The following PRKDC variants were observed in gnomAD, a reference collection of about 807,000 sequenced individuals.
PRKDC encodes the protein protein kinase, DNA-activated, catalytic subunit, also known as DNA-dependent protein kinase catalytic subunit.
In PRKDC, 82 loss-of-function variants were observed where a neutral mutation model predicts 486.9. That is an observed-to-expected ratio of 0.17 (90% CI 0.14 to 0.20). The LOEUF (loss-of-function observed/expected upper bound fraction) is 0.20, where lower values mean the gene tolerates loss of function less well. PRKDC is among the 10% of genes least tolerant of loss of function. The probability of loss-of-function intolerance (pLI) is 1.00; values close to 1 mark genes in which losing one functional copy is unlikely to be tolerated. For synonymous variants in PRKDC, 1,895 were observed against 1,837.0 expected (o/e 1.03, Z -0.81); for missense variants, 4,504 against 5,038.2 (o/e 0.89, Z 3.21).
chr8:47,783,458 C>T (rs983258644), intron 78 of PRKDC, among the ~76,000 whole-genome samples: 2 of 151,654 alleles, frequency 1.3e-5, no homozygotes, highest in African/African-American at 2.4e-5. Flanking sequence ...GGCGTGATGG[C>T]GTGCGCCTGT....
intron 45 of PRKDC, 85 bp from the exon 46 acceptor site, chr8:47,859,844 A>C: frequency 7.6e-7 from 1 of 1,313,466 alleles, no homozygotes; most frequent in Non-Finnish European, 1.0e-6. Flanking sequence ...TGATATGAAA[A>C]TTAAAGCACA....
intron 78 of PRKDC, 58 bp downstream of exon 78, chr8:47,783,684 T>C: frequency 1.9e-6 from 3 of 1,545,150 alleles, no homozygotes; most frequent in South Asian, 1.1e-5. Context: ...AAACAGATCA[T>C]TCTCATCTGA....
rs750244294 is a variant in PRKDC at position 47,788,934 on chromosome 8, A to C, written c.10874T>G (p.Leu3625Arg). The C allele has an allele frequency of 6.2e-7, 1 of 1,605,152 alleles. No homozygotes were observed. Among genetic ancestry groups the C allele is most frequent in the Non-Finnish European group, 8.5e-7 (1 of 1,177,216 alleles). The change falls in exon 76 of 86, where the codon CTG becomes CGG. Residue 3625 changes from leucine to arginine, a missense_variant. Physicochemically the swap from Leu to Arg is moderately radical, Grantham distance 102. Around this residue, in one of 6 missense-constraint regions of PRKDC, gnomAD observed 706 missense variants for 945.0 expected, o/e 0.75. Coordinates refer to ENST00000314191, the MANE Select transcript of PRKDC (RefSeq NM_006904.7). ...AATAAACTTCCTTCTAAAGGCCCCC[A>C]GGCCTGGAGCCTTTGGGTCACCCAA... The part of the protein sequence containing the change: ...AALGDPKAPG[L>R]GAFRRKFIQT...
At chr8:47,918,949 C>T (rs1010192830) in intron 21 of PRKDC, among the ~76,000 whole-genome samples, 5 of 151,966 alleles carry the variant, frequency 3.3e-5, no homozygotes, top group African/African-American at 1.2e-4. Flanking sequence ...TTGAAGTACC[C>T]CGAATAAATT....
intron 22 of PRKDC, among the ~76,000 whole-genome samples, chr8:47,915,702 T>C (rs1405566035): frequency 6.6e-6 from 1 of 152,218 alleles, no homozygotes; most frequent in Non-Finnish European, 1.5e-5. Flanking sequence ...AAAAAGTAAC[T>C]ATATTTTTCA....
At position 47,796,597 on chromosome 8, in the gene PRKDC, T is replaced by G. The variant is rs143943294; in HGVS notation, c.10458+1640A>C. 2.8e-3 allele frequency among the ~76,000 whole-genome samples: 427 copies of G among 151,916 alleles called. 2 individuals carry two copies. The highest frequency in any genetic ancestry group is 8.7e-3 in the South Asian group (42 of 4,812). On this transcript the variant is annotated intron_variant, in intron 73 of 85. Coordinates refer to ENST00000314191, the MANE Select transcript of PRKDC (RefSeq NM_006904.7). ...GCAAACGTTTTTCTTCATTTTTTTT[T>G]TTGTTGTTGTTGTTTTTTTTGAGAC...
chr8:47,945,653 G>C (rs943089699), intron 7 of PRKDC, among the ~76,000 whole-genome samples: 1 of 152,132 alleles, frequency 6.6e-6, no homozygotes, highest in African/African-American at 2.4e-5. Flanking sequence ...TTCATCCCTG[G>C]ATGAACACTT....
Position 47,782,655 on chromosome 8 carries a change from G to A in PRKDC, c.11176-57C>T. 1 of 1,524,960 alleles carries A rather than the reference G, an allele frequency of 6.6e-7. No individual in the cohort carries two copies. Among genetic ancestry groups the A allele is most frequent in the Non-Finnish European group, 8.8e-7 (1 of 1,130,100 alleles). The allele number at this position is 1,524,960 out of a possible 1,614,324, so 94.5% of individuals were successfully genotyped here. A position where few individuals can be genotyped will look rare whatever the true frequency, so the allele number is the denominator to read the frequency against. ...AGGCTAGCCACGTGTCAAACTCAGA[G>A]GGAAAAGCCAGAGTGGCTGTGAGCA... On this transcript the variant is annotated intron_variant, in intron 78 of 85. Coordinates refer to ENST00000314191, the MANE Select transcript of PRKDC (RefSeq NM_006904.7). This position sits in a 1 kb window ranked among gnomAD's most constrained non-coding sequence, Gnocchi z 4.9.
chr8:47,959,765 G>A (rs2090780383), intron 1 of PRKDC, among the ~76,000 whole-genome samples: 1 of 152,016 alleles, frequency 6.6e-6, no homozygotes, highest in African/African-American at 2.4e-5. Context: ...CACCAACTTT[G>A]GCTTTAAAAT....
chr8:47,783,735 C>T lies in PRKDC; in HGVS notation c.11175+7G>A. Reference sequence around the variant, plus strand: ...ACAGGGACTGGGTCACACACCCTCACACCTACCCGCTCATCAAACCCGGCG... The same window carrying T: ...ACAGGGACTGGGTCACACACCCTCATACCTACCCGCTCATCAAACCCGGCG... On this transcript the variant is annotated splice_region_variant and intron_variant, in intron 78 of 85. Transcript: ENST00000314191. 6.2e-7 allele frequency: 1 copy of T among 1,613,958 alleles called. No individual in the cohort carries two copies. The highest frequency in any genetic ancestry group is 8.5e-7 in the Non-Finnish European group (1 of 1,179,860).
chr8:47,776,511 A>C (rs2086610735), intron 85 of PRKDC, among the ~76,000 whole-genome samples: 1 of 152,186 alleles, frequency 6.6e-6, no homozygotes, highest in Admixed American at 6.6e-5. Context: ...AAAAAGGACA[A>C]AAGCAAATTT....
intron 76 of PRKDC, 149 bp downstream of exon 76, chr8:47,788,757 T>A (rs1406659878): frequency 1.1e-5 from 9 of 818,262 alleles, no homozygotes; most frequent in Non-Finnish European, 1.5e-5. Flanking sequence ...ACAGAAAGCA[T>A]GAGACCTAAA....
intron 49 of PRKDC, among the ~76,000 whole-genome samples, 199 bp from the exon 50 acceptor site, chr8:47,855,572 C>CA (rs994810093): frequency 1.3e-5 from 2 of 152,354 alleles, no homozygotes; most frequent in Non-Finnish European, 2.9e-5. Flanking sequence ...GCTGCAATCT[C>CA]AGAGTTGCCG....
intron 40 of PRKDC, among the ~76,000 whole-genome samples, chr8:47,873,317 A>G (rs1310226309): frequency 2.0e-5 from 3 of 151,766 alleles, no homozygotes; most frequent in Non-Finnish European, 2.9e-5. Flanking sequence ...CGGGTGGATC[A>G]CCTGAGGTCT....
chr8:47,784,326 G>A (rs1200389545), intron 77 of PRKDC, among the ~76,000 whole-genome samples: 1 of 151,952 alleles, frequency 6.6e-6, no homozygotes, highest in Non-Finnish European at 1.5e-5. Context: ...CTAATAGCAT[G>A]GACAAATCCT....
intron 32 of PRKDC, among the ~76,000 whole-genome samples, chr8:47,889,836 T>C (rs1362371252): frequency 6.6e-6 from 1 of 152,230 alleles, no homozygotes; most frequent in Non-Finnish European, 1.5e-5. Context: ...TAACGATGCA[T>C]TGTAATTTTG....
chr8:47,814,621 C>A (rs1351877994), intron 68 of PRKDC, among the ~76,000 whole-genome samples: 1 of 152,030 alleles, frequency 6.6e-6, no homozygotes, highest in Non-Finnish European at 1.5e-5. Context: ...GAATAAATCA[C>A]AAAAGACATC....
chr8:47,957,022 A>T, intron 3 of PRKDC, 149 bp downstream of exon 3: 1 of 471,046 alleles, frequency 2.1e-6, no homozygotes, highest in East Asian at 3.6e-5. Context: ...AGCCCACTTC[A>T]TTTGTAACAC....
intron 40 of PRKDC, among the ~76,000 whole-genome samples, chr8:47,868,560 T>A (rs1347595757): frequency 1.3e-5 from 2 of 151,916 alleles, no homozygotes; most frequent in South Asian, 4.2e-4. Flanking sequence ...CAAGACCTTA[T>A]CTCAAAAATA....
Sources: gnomAD v4.1 joint callset for allele counts (sites outside exome capture counted in the v4.1 genomes callset) on GRCh38, gnomAD v4.1.1 for gene constraint, gnomAD v4.1.1 regional missense constraint, Gnocchi (gnomAD v3.1) non-coding constraint, MANE v1.5 for transcripts, NCBI Gene and HGNC (gene_info 2026-07-23, HGNC 2026-07-21) for gene names.